Variants in NSUN7 observed in about 807,000 individuals in gnomAD.
NSUN7 encodes protein NSUN7.
NSUN7 carries 39 observed loss-of-function variants against 58.5 expected under a neutral mutation model. That is an observed-to-expected ratio of 0.67 (90% CI 0.52 to 0.87). The LOEUF is 0.87. Ranked by LOEUF, NSUN7 falls within the 40% of genes least tolerant of loss-of-function variation. The probability of loss-of-function intolerance (pLI) is 0.00; values close to 1 mark genes in which losing one functional copy is unlikely to be tolerated. For missense variants in NSUN7, 765 were observed against 844.1 expected (o/e 0.91, Z 1.16); for synonymous variants, 278 against 303.7 (o/e 0.92, Z 0.88).
chr4:40,769,450 C>A (rs1741894583), intron 4 of NSUN7, among the ~76,000 whole-genome samples: 1 of 152,176 alleles, frequency 6.6e-6, no homozygotes, highest in Non-Finnish European at 1.5e-5. Flanking sequence ...ATGAGGTGAG[C>A]CCTAGAATAG....
chr4:40,752,900 T>A (rs973839690), intron 2 of NSUN7, among the ~76,000 whole-genome samples: 10 of 152,272 alleles, frequency 6.6e-5, no homozygotes, highest in Non-Finnish European at 1.3e-4. Flanking sequence ...CCATTCTTCC[T>A]CCAGTTTAAT....
chr4:40,754,574 A>T (rs1244808117), intron 2 of NSUN7, among the ~76,000 whole-genome samples: 1 of 152,210 alleles, frequency 6.6e-6, no homozygotes, highest in Non-Finnish European at 1.5e-5. Context: ...CTTATACAGT[A>T]TAAGTTCAAG....
chr4:40,802,926 ACCCTCCC>A (rs1310508714), intron 10 of NSUN7, among the ~76,000 whole-genome samples: 1 of 73,068 alleles, frequency 1.4e-5, no homozygotes, highest in South Asian at 6.1e-4. Flanking sequence ...TCTCGTGCTA[ACCCTCCC>A]CCCTCCCCCC....
chr4:40,761,286 A>G lies in NSUN7; in HGVS notation c.473A>G (p.Glu158Gly), dbSNP rs541533380. 1.1e-5 allele frequency: 17 copies of G among 1,599,776 alleles called. No homozygotes were observed. In the South Asian group the frequency reaches 1.8e-4, roughly 17 times the overall value. ...CCCATATCAGAAGTTCAAGAAGTAG[A>G]GAACCTTCTTAACAGGTAATCGTAA... ...EEPISEVQEV[E>G]NLLNSFKIKL... The change falls in exon 4 of 12, where the codon GAG becomes GGG. Residue 158 changes from glutamate to glycine, a missense_variant. Transcript: ENST00000381782.
intron 11 of NSUN7, among the ~76,000 whole-genome samples, chr4:40,807,494 C>T (rs1046634826): frequency 4.6e-5 from 7 of 151,864 alleles, no homozygotes; most frequent in East Asian, 3.9e-4. Context: ...GGATTACAGG[C>T]GTCCACCACC....
At chr4:40,802,768 G>GTACTGCAT (rs1210193579) in intron 10 of NSUN7, among the ~76,000 whole-genome samples, 1 of 146,760 alleles carries the variant, frequency 6.8e-6, no homozygotes. Flanking sequence ...CTGACACTTT[G>GTACTGCAT]TACTGCATTC....
At chr4:40,777,747 T>G (rs1244776847) in intron 7 of NSUN7, among the ~76,000 whole-genome samples, 1 of 152,224 alleles carries the variant, frequency 6.6e-6, no homozygotes, top group African/African-American at 2.4e-5. Context: ...CTGGAGATAC[T>G]GGATTTATCA....
intron 10 of NSUN7, among the ~76,000 whole-genome samples, chr4:40,800,620 G>T (rs2437305): frequency 1.3e-5 from 2 of 152,206 alleles, no homozygotes; most frequent in East Asian, 1.9e-4. Flanking sequence ...GATTACAGGC[G>T]TGAGCCACCA....
intron 4 of NSUN7, among the ~76,000 whole-genome samples, chr4:40,771,370 ACT>A (rs1742000961): frequency 6.6e-6 from 1 of 151,664 alleles, no homozygotes; most frequent in South Asian, 2.1e-4. Flanking sequence ...AACTGGCTTG[ACT>A]CTCTCTTTCT....
intron 4 of NSUN7, among the ~76,000 whole-genome samples, chr4:40,767,172 G>A (rs553584171): frequency 1.5e-4 from 23 of 152,196 alleles, no homozygotes; most frequent in South Asian, 4.2e-4. Context: ...TAATTGTGAT[G>A]TTAGGGTGTC....
At chr4:40,755,442 A>G (rs760302030) in intron 2 of NSUN7, among the ~76,000 whole-genome samples, 2 of 152,096 alleles carry the variant, frequency 1.3e-5, no homozygotes, top group Non-Finnish European at 2.9e-5. Context: ...AAATGAACAA[A>G]CAACAAATTT....
At chr4:40,791,475 A>G (rs1367043196) in intron 8 of NSUN7, among the ~76,000 whole-genome samples, 1 of 152,170 alleles carries the variant, frequency 6.6e-6, no homozygotes, top group Non-Finnish European at 1.5e-5. Flanking sequence ...AGGCTCAGAG[A>G]AGTTAATGAA....
chr4:40,767,583 T>G (rs943248779), intron 4 of NSUN7, among the ~76,000 whole-genome samples: 18 of 152,200 alleles, frequency 1.2e-4, no homozygotes, highest in Non-Finnish European at 2.6e-4. Flanking sequence ...GAGAGTTCTG[T>G]AGATGTCTAT....
At chr4:40,761,469 G>C (rs1001071624) in intron 4 of NSUN7, among the ~76,000 whole-genome samples, 168 bp downstream of exon 4, 6 of 152,110 alleles carry the variant, frequency 3.9e-5, no homozygotes, top group African/African-American at 1.2e-4. Flanking sequence ...AACAGGTTAA[G>C]AATTTTGTTT....
At chr4:40,773,669 G>A (rs1196376623) in intron 4 of NSUN7, among the ~76,000 whole-genome samples, 2 of 149,918 alleles carry the variant, frequency 1.3e-5, no homozygotes, top group African/African-American at 2.5e-5. Context: ...GGCGACAGAC[G>A]GAGACTCTAT....
At chr4:40,779,075 C>G (rs1454274265) in intron 7 of NSUN7, among the ~76,000 whole-genome samples, 1 of 152,054 alleles carries the variant, frequency 6.6e-6, no homozygotes, top group African/African-American at 2.4e-5. Context: ...TGCTGGTAAT[C>G]CCAGTGCTTT....
At chr4:40,773,466 T>C (rs1398282157) in intron 4 of NSUN7, among the ~76,000 whole-genome samples, 4 of 152,208 alleles carry the variant, frequency 2.6e-5, no homozygotes, top group African/African-American at 9.6e-5. Context: ...GCGGATCACT[T>C]GAGGTCAGGA....
chr4:40,782,667 C>T (rs557610641), intron 7 of NSUN7, among the ~76,000 whole-genome samples: 8 of 152,022 alleles, frequency 5.3e-5, no homozygotes, highest in Admixed American at 1.3e-4. Flanking sequence ...GCCAGGAGTT[C>T]GAGACCAATC....
At chr4:40,758,211 C>T (rs866999875) in intron 2 of NSUN7, among the ~76,000 whole-genome samples, 1 of 152,154 alleles carries the variant, frequency 6.6e-6, no homozygotes, top group Non-Finnish European at 1.5e-5. Context: ...TGAGTCACCA[C>T]ACCCGGCCAG....
Sources: allele counts gnomAD v4.1 joint callset (sites outside exome capture counted in the v4.1 genomes callset), GRCh38; gene constraint gnomAD v4.1.1; transcripts MANE v1.5; gene names NCBI Gene and HGNC (gene_info 2026-07-23, HGNC 2026-07-21).